The following NRXN1 variants were observed in gnomAD, a reference collection of about 807,000 sequenced individuals.
NRXN1 encodes neurexin 1.
Under a neutral mutation model 150.9 loss-of-function variants are expected in NRXN1, and 39 were observed. The observed-to-expected ratio is 0.26, with a 90% confidence interval of 0.20 to 0.34. The LOEUF is 0.34. Ranked by LOEUF, NRXN1 falls within the 10% of genes least tolerant of loss-of-function variation. The probability of loss-of-function intolerance (pLI) is 1.00; values close to 1 mark genes in which losing one functional copy is unlikely to be tolerated. For missense variants in NRXN1, 1,815 were observed against 1,949.9 expected (o/e 0.93, Z 1.30); for synonymous variants, 924 against 757.0 (o/e 1.22, Z -3.62).
chr2:50,286,758 T>A (rs1461738448), intron 17 of NRXN1, among the ~76,000 whole-genome samples: 1 of 152,072 alleles, frequency 6.6e-6, no homozygotes, highest in African/African-American at 2.4e-5. Context: ...AAAAAATACT[T>A]CACATAACTC....
In NRXN1 at chr2:50,525,379, A is replaced by T. The variant is rs139409997; in HGVS notation, c.2374+3246T>A. Among the ~76,000 whole-genome samples the T allele has an allele frequency of 2.7e-3, 417 of 152,310 alleles. 1 individual carries two copies. Among genetic ancestry groups the T allele is most frequent in the African/African-American group, 9.0e-3 (372 of 41,564 alleles). On this transcript the variant is annotated intron_variant, in intron 12 of 22. Coordinates refer to ENST00000401669, the MANE Select transcript of NRXN1 (RefSeq NM_001330078.2). ...GAATGTGACTGTACAGTCCCTTCCC[A>T]TCTACCCTTATTAAAGTATCCTTCA...
intron 17 of NRXN1, among the ~76,000 whole-genome samples, chr2:50,458,096 T>C (rs756809234): frequency 1.3e-5 from 2 of 152,132 alleles, no homozygotes; most frequent in Non-Finnish European, 2.9e-5. Flanking sequence ...AATCTGTGGA[T>C]AAACGGATAA....
At chr2:50,926,801 T>C (rs1686961604) in intron 2 of NRXN1, among the ~76,000 whole-genome samples, 1 of 151,930 alleles carries the variant, frequency 6.6e-6, no homozygotes, top group Non-Finnish European at 1.5e-5. Flanking sequence ...TTCATATATT[T>C]TGTTAGTCAT....
chr2:50,384,815 C>T (rs2081215865), intron 17 of NRXN1, among the ~76,000 whole-genome samples: 1 of 152,144 alleles, frequency 6.6e-6, no homozygotes, highest in Admixed American at 6.6e-5. Context: ...TTTTTCTCCA[C>T]CTACACATGG....
intron 5 of NRXN1, among the ~76,000 whole-genome samples, chr2:50,671,875 G>A (rs1336686493): frequency 6.6e-6 from 1 of 151,878 alleles, no homozygotes; most frequent in South Asian, 2.1e-4. Flanking sequence ...GTTTATGATA[G>A]GGACAAACCC....
At chr2:50,801,183 C>T (rs970949577) in intron 5 of NRXN1, among the ~76,000 whole-genome samples, 1 of 152,068 alleles carries the variant, frequency 6.6e-6, no homozygotes, top group Non-Finnish European at 1.5e-5. Flanking sequence ...GTCAAAGTTT[C>T]TAATTATTTC....
intron 17 of NRXN1, among the ~76,000 whole-genome samples, chr2:50,238,385 C>T (rs1238354943): frequency 6.6e-6 from 1 of 151,996 alleles, no homozygotes; most frequent in East Asian, 1.9e-4. Context: ...TTGTCAGTCC[C>T]ATAATCGATA....
rs141850065 is a variant in NRXN1, at chr2:50,127,093, T to G, written c.3547-35599A>C. Among the ~76,000 whole-genome samples the G allele has an allele frequency of 4.9e-3, 741 of 152,272 alleles. 6 individuals carry two copies. The highest frequency in any genetic ancestry group is 0.017 in the African/African-American group (710 of 41,572). On this transcript the variant is annotated intron_variant, in intron 18 of 22. Coordinates refer to ENST00000401669, the MANE Select transcript of NRXN1 (RefSeq NM_001330078.2). ...AAATGATTAGCAGTAAATATAAATT[T>G]AATAGCTTTGCTTTGCAGTTCCCCA...
At chr2:50,134,332 T>C (rs999354781) in intron 18 of NRXN1, among the ~76,000 whole-genome samples, 37 of 150,052 alleles carry the variant, frequency 2.5e-4, no homozygotes, top group African/African-American at 8.8e-4. Flanking sequence ...ACCATATTTC[T>C]AACAGAAATG....
intron 5 of NRXN1, among the ~76,000 whole-genome samples, chr2:50,776,591 T>A (rs1309398655): frequency 6.6e-6 from 1 of 150,990 alleles, no homozygotes; most frequent in Admixed American, 6.6e-5. Context: ...ATTATATGTA[T>A]TATATATGAA....
At chr2:50,981,793 G>A (rs2104891802) in intron 2 of NRXN1, among the ~76,000 whole-genome samples, 1 of 151,628 alleles carries the variant, frequency 6.6e-6, no homozygotes, top group Non-Finnish European at 1.5e-5. Context: ...TGTAAGCACA[G>A]AGCCTAATAA....
chr2:50,769,347 C>T (rs1470773771), intron 5 of NRXN1, among the ~76,000 whole-genome samples: 1 of 152,054 alleles, frequency 6.6e-6, no homozygotes, highest in Non-Finnish European at 1.5e-5. Flanking sequence ...AGCAAAGAAA[C>T]CTGCTGTCTC....
chr2:50,169,429 G>A (rs1362863658), intron 18 of NRXN1, among the ~76,000 whole-genome samples: 1 of 151,918 alleles, frequency 6.6e-6, no homozygotes, highest in Non-Finnish European at 1.5e-5. Context: ...ATATGGATGA[G>A]GTAGGCAGGG....
At chr2:50,490,361 T>G (rs1280596802) in intron 15 of NRXN1, among the ~76,000 whole-genome samples, 2 of 152,190 alleles carry the variant, frequency 1.3e-5, no homozygotes, top group Non-Finnish European at 2.9e-5. Context: ...TGTCAGGGGT[T>G]ACAGACGGCC....
intron 5 of NRXN1, among the ~76,000 whole-genome samples, chr2:50,638,241 T>C (rs1004755485): frequency 6.6e-6 from 1 of 152,156 alleles, no homozygotes. Flanking sequence ...TTTAACAATA[T>C]TGGGGTGGAT....
intron 17 of NRXN1, among the ~76,000 whole-genome samples, chr2:50,354,182 A>G (rs1485787753): frequency 6.6e-6 from 1 of 152,104 alleles, no homozygotes; most frequent in Non-Finnish European, 1.5e-5. Flanking sequence ...CAAGATGTCT[A>G]TTATATAAAC....
intron 5 of NRXN1, among the ~76,000 whole-genome samples, chr2:50,877,022 A>G (rs1445062952): frequency 6.6e-6 from 1 of 151,800 alleles, no homozygotes; most frequent in African/African-American, 2.4e-5. Flanking sequence ...GTTACACTTA[A>G]TTTTTATTGA....
At chr2:50,287,088 C>A (rs1517828) in intron 17 of NRXN1, among the ~76,000 whole-genome samples, 1 of 151,890 alleles carries the variant, frequency 6.6e-6, no homozygotes, top group Non-Finnish European at 1.5e-5. Flanking sequence ...TACTTCCCTA[C>A]ATGACTTAAC....
chr2:50,979,221 T>G (rs780181665), intron 2 of NRXN1: 4 of 514,496 alleles, frequency 7.8e-6, no homozygotes, highest in Admixed American at 4.0e-5. Context: ...CTCTGTGATA[T>G]GAGAAAAGAC....
Sources: allele counts gnomAD v4.1 joint callset (sites outside exome capture counted in the v4.1 genomes callset), GRCh38; gene constraint gnomAD v4.1.1; transcripts MANE v1.5; gene names NCBI Gene and HGNC (gene_info 2026-07-23, HGNC 2026-07-21).